NRG1: variants seen among roughly 807,000 people sequenced by gnomAD.
The protein encoded by NRG1 is pro-neuregulin-1, membrane-bound isoform.
In NRG1, 18 loss-of-function variants were observed where a neutral mutation model predicts 63.8. That is an observed-to-expected ratio of 0.28 (90% confidence interval 0.19 to 0.42). The LOEUF (loss-of-function observed/expected upper bound fraction) is 0.42, where lower values mean the gene tolerates loss of function less well. NRG1 is among the 10% of genes least tolerant of loss of function. The pLI is 1.00. For synonymous variants in NRG1, 302 were observed against 301.3 expected (o/e 1.00, Z -0.02); for missense variants, 762 against 814.7 (o/e 0.94, Z 0.79).
intron 1 of NRG1, among the ~76,000 whole-genome samples, chr8:32,114,103 C>T (rs16878847): frequency 0.034 from 5,138 of 152,288 alleles, 186 homozygotes; most frequent in African/African-American, 0.094. Flanking sequence ...ACTAAAATGG[C>T]CAAAGCGTTT....
intron 1 of NRG1, among the ~76,000 whole-genome samples, chr8:32,497,763 G>A (rs1366522121): frequency 6.6e-6 from 1 of 152,186 alleles, no homozygotes; most frequent in Non-Finnish European, 1.5e-5. Flanking sequence ...GTAAATTAGG[G>A]ACTGTAAACA....
At chr8:32,085,812 A>G (rs1332747710) in intron 1 of NRG1, among the ~76,000 whole-genome samples, 4 of 152,214 alleles carry the variant, frequency 2.6e-5, no homozygotes, top group African/African-American at 9.6e-5. Flanking sequence ...GTCTAATACC[A>G]TAGGCAGGGA....
chr8:32,073,578 T>A (rs1826063455), intron 1 of NRG1, among the ~76,000 whole-genome samples: 1 of 152,174 alleles, frequency 6.6e-6, no homozygotes, highest in African/African-American at 2.4e-5. Flanking sequence ...ACAGATGATG[T>A]GTCTAATACC....
intron 1 of NRG1, among the ~76,000 whole-genome samples, chr8:31,816,508 T>C (rs542262976): frequency 1.3e-5 from 2 of 152,376 alleles, no homozygotes; most frequent in South Asian, 4.1e-4. Flanking sequence ...TGAATTTCCA[T>C]ATTATTAATG....
chr8:31,639,310 G>C (rs1803503467), exon 1 of NRG1: 1 of 1,500,156 alleles, frequency 6.7e-7, no homozygotes. Context: ...TGCAGCACTC[G>C]GGGCGACAGA....
In NRG1 at chr8:31,978,426, G is replaced by A. The variant is rs188792040; in HGVS notation, c.37+338995G>A. Among the ~76,000 whole-genome samples, 501 of 152,188 alleles carry A rather than the reference G, an allele frequency of 3.3e-3. 2 individuals are homozygous for A. The highest frequency in any genetic ancestry group is 0.021 in the South Asian group (103 of 4,822). On this transcript the variant is annotated intron_variant, in intron 1 of 10. Coordinates refer to the NRG1 transcript ENST00000519301. ...CTTGTTCTCACAATGCAGATTCACA[G>A]TGTATTTTCTCCCTGAAAACTTGTT...
intron 8 of NRG1, among the ~76,000 whole-genome samples, chr8:32,755,126 CA>C (rs1425095409): frequency 6.6e-6 from 1 of 152,112 alleles, no homozygotes; most frequent in Non-Finnish European, 1.5e-5. Flanking sequence ...GAAAATGAAG[CA>C]AAACTTTCTT....
chr8:32,040,743 T>A (rs1303213542), intron 1 of NRG1, among the ~76,000 whole-genome samples: 1,504 of 8,730 alleles, frequency 0.17, 49 homozygotes, highest in Middle Eastern at 0.5. Flanking sequence ...TATATGAAAT[T>A]TAGGCGCATA....
chr8:31,674,338 T>C (rs1003231854), intron 1 of NRG1, among the ~76,000 whole-genome samples: 3 of 152,200 alleles, frequency 2.0e-5, no homozygotes, highest in African/African-American at 7.2e-5. Context: ...GTTTCACATG[T>C]TACAGTTCTA....
intron 1 of NRG1, among the ~76,000 whole-genome samples, chr8:32,075,651 C>CTT (rs200354474): frequency 5.3e-5 from 8 of 150,408 alleles, no homozygotes; most frequent in African/African-American, 2.0e-4. Flanking sequence ...ATATTTTAAC[C>CTT]TTTTTTTTTT....
intron 1 of NRG1, among the ~76,000 whole-genome samples, chr8:32,550,890 GT>G (rs1833976475): frequency 1.3e-5 from 2 of 152,152 alleles, no homozygotes; most frequent in African/African-American, 4.8e-5. Context: ...ATTTGTCTCT[GT>G]TTTCCACCAG....
intron 1 of NRG1, among the ~76,000 whole-genome samples, chr8:32,078,885 G>A (rs949266559): frequency 4.6e-5 from 7 of 152,020 alleles, no homozygotes; most frequent in African/African-American, 7.3e-5. Context: ...CAGCTGGCTC[G>A]CGCTATTCTG....
chr8:32,077,347 CAA>C (rs1460024913), intron 1 of NRG1, among the ~76,000 whole-genome samples: 1 of 152,074 alleles, frequency 6.6e-6, no homozygotes, highest in African/African-American at 2.4e-5. Flanking sequence ...GCCTGGGCGA[CAA>C]GAGCAAAACT....
At chr8:31,750,991 TG>T (rs1816402495) in intron 1 of NRG1, among the ~76,000 whole-genome samples, 1 of 152,022 alleles carries the variant, frequency 6.6e-6, no homozygotes, top group African/African-American at 2.4e-5. Flanking sequence ...TGAAGAATTA[TG>T]GGCTCCCAAA....
At chr8:31,716,369 T>C (rs1052912992) in intron 1 of NRG1, among the ~76,000 whole-genome samples, 5 of 152,252 alleles carry the variant, frequency 3.3e-5, no homozygotes, top group African/African-American at 7.2e-5. Flanking sequence ...AGTGCTTTCA[T>C]TGGCCTTCCA....
At chr8:31,919,378 G>T (rs917491963) in intron 1 of NRG1, among the ~76,000 whole-genome samples, 1 of 146,942 alleles carries the variant, frequency 6.8e-6, no homozygotes, top group South Asian at 2.3e-4. Context: ...AGCAAGAAGG[G>T]GTTGTCATTC....
chr8:32,506,687 C>A (rs929332662), intron 1 of NRG1, among the ~76,000 whole-genome samples: 8 of 152,030 alleles, frequency 5.3e-5, no homozygotes, highest in Non-Finnish European at 1.0e-4. Flanking sequence ...CTCCCTCAAC[C>A]AGGCTCTCTG....
chr8:32,161,470 A>C (rs1281984382), intron 1 of NRG1, among the ~76,000 whole-genome samples: 1 of 152,190 alleles, frequency 6.6e-6, no homozygotes, highest in Non-Finnish European at 1.5e-5. Context: ...ATATTGGAGC[A>C]TCCTCGGGTG....
intron 1 of NRG1, among the ~76,000 whole-genome samples, chr8:31,844,734 G>A (rs545476255): frequency 6.6e-6 from 1 of 152,038 alleles, no homozygotes; most frequent in Non-Finnish European, 1.5e-5. Context: ...ATTAAGTGAT[G>A]TCATATTTTT....
Sources: gnomAD v4.1 joint callset for allele counts (sites outside exome capture counted in the v4.1 genomes callset) on GRCh38, gnomAD v4.1.1 for gene constraint, MANE v1.5 for transcripts, NCBI Gene and HGNC (gene_info 2026-07-23, HGNC 2026-07-21) for gene names.